The following TOB2 variants were observed in gnomAD, a reference collection of about 807,000 sequenced individuals.
TOB2 encodes protein Tob2.
A neutral mutation model predicts 17.3 loss-of-function variants in TOB2; 3 were observed. That is an observed-to-expected ratio of 0.17 (90% CI 0.08 to 0.45). The LOEUF (loss-of-function observed/expected upper bound fraction) is 0.45, where lower values mean the gene tolerates loss of function less well. Among genes scored for constraint, TOB2 ranks in the 20% least tolerant of loss-of-function variants. The pLI, the probability that TOB2 is intolerant of heterozygous loss-of-function variation, is 0.99. For synonymous variants in TOB2, 163 were observed against 185.6 expected (o/e 0.88, Z 0.99); for missense variants, 407 against 445.7 (o/e 0.91, Z 0.78).
chr22:41,438,098 G>C (rs1013472144), intron 1 of TOB2, among the ~76,000 whole-genome samples: 1 of 151,846 alleles, frequency 6.6e-6, no homozygotes, highest in African/African-American at 2.4e-5. Context: ...TGAAGAAGAA[G>C]TCTCTTGCTG....
chr22:41,436,315 T>A lies in TOB2; in HGVS notation c.1031A>T (p.Asn344Ile). Residue 344 changes from asparagine (N) to isoleucine (I), a missense_variant, in exon 2 of 2, where the codon AAC becomes ATC. Asn to Ile is a moderately radical substitution (Grantham distance 149). Transcript: ENST00000327492. This position sits in a 1 kb window ranked among gnomAD's most constrained non-coding sequence, Gnocchi z 4.8. ...GCCCCACGGGCAGGTAGATGGTCAGTTGGCCAGCACCACGGGCTGGAACTG... is the reference window on the plus strand; with the variant it reads ...GCCCCACGGGCAGGTAGATGGTCAGATGGCCAGCACCACGGGCTGGAACTG... ...SQQFQPVVLA[N>I] The A allele has an allele frequency of 6.4e-7, 1 of 1,560,058 alleles. No homozygotes were observed.
chr22:41,437,554 C>T, intron 1 of TOB2, 147 bp from the exon 2 acceptor site: 1 of 955,396 alleles, frequency 1.0e-6, no homozygotes, highest in South Asian at 2.0e-5. Flanking sequence ...GACTGTGGGC[C>T]CCAGTTTCCT....
intron 1 of TOB2, among the ~76,000 whole-genome samples, chr22:41,442,072 C>T (rs1407061943): frequency 9.4e-6 from 1 of 106,694 alleles, no homozygotes; most frequent in African/African-American, 3.5e-5. Context: ...GTCTGAATGA[C>T]AAAGTGAGAG....
intron 1 of TOB2, among the ~76,000 whole-genome samples, chr22:41,443,772 C>A (rs572839187): frequency 2.0e-5 from 3 of 151,786 alleles, no homozygotes; most frequent in Non-Finnish European, 2.9e-5. Flanking sequence ...TACAGGAATG[C>A]GCCACCACGC....
rs761299825 is a variant in TOB2, at chr22:41,435,756, G to A, written c.*555C>T. The A allele has an allele frequency of 6.5e-6, 1 of 152,854 alleles. No homozygotes were observed. Among genetic ancestry groups the A allele is most frequent in the Non-Finnish European group, 1.5e-5 (1 of 68,236 alleles). The allele number at this position is 152,854 out of a possible 1,614,324, so 9.5% of individuals were successfully genotyped here. A position where few individuals can be genotyped will look rare whatever the true frequency, so the allele number is the denominator to read the frequency against. On this transcript the variant is annotated 3_prime_UTR_variant, in exon 2 of 2. Transcript: ENST00000327492. ...CAGCCTGAAAGGGAGTGGGGACTGG[G>A]GTCAGACCTATTCAGGTGGCAGGGC...
intron 1 of TOB2, among the ~76,000 whole-genome samples, chr22:41,438,080 A>C (rs2037573784): frequency 6.6e-6 from 1 of 152,082 alleles, no homozygotes; most frequent in African/African-American, 2.4e-5. Context: ...TCAAGTCCCT[A>C]AATCAGGTGA....
At chr22:41,439,085 CTG>C (rs1441733367) in intron 1 of TOB2, among the ~76,000 whole-genome samples, 2 of 152,120 alleles carry the variant, frequency 1.3e-5, no homozygotes, top group Non-Finnish European at 2.9e-5. Flanking sequence ...GGAAGATGAT[CTG>C]TGAGGTCCTG....
intron 1 of TOB2, among the ~76,000 whole-genome samples, chr22:41,444,197 C>T (rs1160815968): frequency 6.6e-6 from 1 of 152,162 alleles, no homozygotes; most frequent in Admixed American, 6.5e-5. Context: ...ACGGGATCCG[C>T]CCCAACTCGC....
chr22:41,440,323 T>C (rs1349451876), intron 1 of TOB2, among the ~76,000 whole-genome samples: 1 of 151,366 alleles, frequency 6.6e-6, no homozygotes, highest in Non-Finnish European at 1.5e-5. Flanking sequence ...TTCCCCATGT[T>C]GGCCAGGATG....
intron 1 of TOB2, among the ~76,000 whole-genome samples, chr22:41,441,215 T>C (rs2037616616): frequency 6.6e-6 from 1 of 151,054 alleles, no homozygotes; most frequent in African/African-American, 2.4e-5. Flanking sequence ...CTCGGGAGGC[T>C]GAGGCAGGAG....
Position 41,436,328 on chromosome 22 carries a change from C to T in TOB2, c.1018G>A (p.Val340Met), listed in dbSNP as rs528335749. Residue 340 changes from valine to methionine, a missense_variant, in exon 2 of 2, where the codon GTG becomes ATG. Physicochemically the swap from Val to Met is conservative, Grantham distance 21. Transcript: ENST00000327492. This position sits in a 1 kb window ranked among gnomAD's most constrained non-coding sequence, Gnocchi z 4.8. ...MQYPSQQFQP[V>M]VLAN ...GTAGATGGTCAGTTGGCCAGCACCA[C>T]GGGCTGGAACTGCTGGCTGGGATAC... 3.9e-5 allele frequency: 62 copies of T among 1,578,806 alleles called. No individual in the cohort carries two copies. The highest frequency in any genetic ancestry group is 7.0e-5 in the South Asian group (6 of 85,582).
chr22:41,437,105 C>T lies in TOB2; in HGVS notation c.241G>A (p.Asp81Asn). 1 of 1,614,150 alleles carries T rather than the reference C, an allele frequency of 6.2e-7. No individual in the cohort carries two copies. Among genetic ancestry groups the T allele is most frequent in the South Asian group, 1.1e-5 (1 of 91,084 alleles). ...TCCTCAGGCACATTGGCCCGCACATCTTCCACCGCCAGGCCACTCCGCTTG... is the reference window on the plus strand; with the variant it reads ...TCCTCAGGCACATTGGCCCGCACATTTTCCACCGCCAGGCCACTCCGCTTG... ...AAKRSGLAVE[D>N]VRANVPEELS... Residue 81 changes from aspartate to asparagine, a missense_variant, in exon 2 of 2, where the codon GAT becomes AAT. By Grantham distance (23) the Asp-to-Asn change is conservative (BLOSUM62 1). Transcript: ENST00000327492.
At chr22:41,445,537 T>G (rs935547155) in intron 1 of TOB2, among the ~76,000 whole-genome samples, 4 of 152,130 alleles carry the variant, frequency 2.6e-5, no homozygotes, top group Non-Finnish European at 5.9e-5. Context: ...GTCCCCAAGC[T>G]GAAGCTTGCT....
chr22:41,446,206 AGT>A (rs1044729517), intron 1 of TOB2, among the ~76,000 whole-genome samples, 171 bp downstream of exon 1: 1 of 152,170 alleles, frequency 6.6e-6, no homozygotes, highest in African/African-American at 2.4e-5. Context: ...AGCTGGGGAA[AGT>A]GGGGTCTGGA....
rs2037553767 is a variant in TOB2 at position 41,436,741 on chromosome 22, C to A, written c.605G>T (p.Gly202Val). 5 of 1,613,574 alleles carry A rather than the reference C, an allele frequency of 3.1e-6. No individual in the cohort carries two copies. The South Asian group carries it at 4.4e-5, about 14-fold the overall frequency. Residue 202 changes from glycine to valine, a missense_variant, in exon 2 of 2, where the codon GGT becomes GTT. Gly to Val is a moderately radical substitution (Grantham distance 109, BLOSUM62 -3). Transcript: ENST00000327492. This position sits in a 1 kb window ranked among gnomAD's most constrained non-coding sequence, Gnocchi z 4.8. ...GCCACCCGCCCCACTGCTGGCTACA[C>A]CCCCACCACTTGCTGCCCCGCCCCC... ...KKGGGAASGGGVASSGAGGQQ... is the reference protein window; with the variant it reads ...KKGGGAASGGVVASSGAGGQQ...
At chr22:41,439,118 C>T (rs2037586691) in intron 1 of TOB2, among the ~76,000 whole-genome samples, 1 of 152,194 alleles carries the variant, frequency 6.6e-6, no homozygotes, top group Non-Finnish European at 1.5e-5. Context: ...ATCCTAATCT[C>T]ATTTTCTCCA....
Position 41,442,498 on chromosome 22 carries a change from G to C in TOB2, c.-63+3881C>G, listed in dbSNP as rs147764881. 4.0e-3 allele frequency among the ~76,000 whole-genome samples: 603 copies of C among 152,328 alleles called. 3 individuals carry two copies. The highest frequency in any genetic ancestry group is 5.9e-3 in the Non-Finnish European group (403 of 68,030). On this transcript the variant is annotated intron_variant, in intron 1 of 1. Coordinates refer to ENST00000327492, the MANE Select transcript of TOB2 (RefSeq NM_016272.4). ...ATTTTCTGCAGCATAAGCAACTAAA[G>C]CTGCACACCAATTTATACCTCAGTG... is the stretch of plus-strand genomic sequence containing the variant.
At chr22:41,445,104 GGCCAGCAGGGCCCAAGC>G (rs1382885952) in intron 1 of TOB2, among the ~76,000 whole-genome samples, 1 of 152,260 alleles carries the variant, frequency 6.6e-6, no homozygotes, top group African/African-American at 2.4e-5. Flanking sequence ...GCCAGGCCAA[GGCCAGCAGGGCCCAAGC>G]CTCACCCCAT....
chr22:41,438,305 G>A (rs2037576054), intron 1 of TOB2, among the ~76,000 whole-genome samples: 1 of 152,146 alleles, frequency 6.6e-6, no homozygotes, highest in African/African-American at 2.4e-5. Context: ...TGTGTATGCT[G>A]TCTGGTTCAG....
Sources: gnomAD v4.1 joint callset for allele counts (sites outside exome capture counted in the v4.1 genomes callset) on GRCh38, gnomAD v4.1.1 for gene constraint, Gnocchi (gnomAD v3.1) non-coding constraint, MANE v1.5 for transcripts, NCBI Gene and HGNC (gene_info 2026-07-23, HGNC 2026-07-21) for gene names.